Variants in SCD5 observed in about 807,000 individuals in gnomAD.
SCD5 encodes the protein acyl-CoA-desaturase 4.
SCD5 carries 20 observed loss-of-function variants against 30.4 expected under a neutral mutation model. That is an observed-to-expected ratio of 0.66 (90% CI 0.46 to 0.96). SCD5 has a LOEUF of 0.96. Ranked by LOEUF, SCD5 falls within the 40% of genes least tolerant of loss-of-function variation. SCD5 has a pLI of 0.00. For synonymous variants in SCD5, 173 were observed against 176.4 expected (o/e 0.98, Z 0.16); for missense variants, 381 against 443.3 (o/e 0.86, Z 1.26).
rs141608073 is a variant in SCD5, at chr4:82,746,771, T to C, written c.233-41358A>G. 7.2e-5 allele frequency among the ~76,000 whole-genome samples: 11 copies of C among 151,740 alleles called. No individual in the cohort carries two copies. In the East Asian group the frequency reaches 2.1e-3, roughly 30 times the overall value. ...GGGAAAGAGCAAGGGAGGTGCTGAG[T>C]AGAGAAGAGCGGGGTCCCTGGCAAG... On this transcript the variant is annotated intron_variant, in intron 1 of 4. Transcript: ENST00000319540.
intron 1 of SCD5, among the ~76,000 whole-genome samples, chr4:82,723,860 C>A (rs1332031443): frequency 6.6e-6 from 1 of 152,156 alleles, no homozygotes; most frequent in Non-Finnish European, 1.5e-5. Flanking sequence ...CAATCAAATA[C>A]AATGTGAAAG....
chr4:82,640,314 G>C, intron 3 of SCD5, among the ~76,000 whole-genome samples: 1 of 152,204 alleles, frequency 6.6e-6, no homozygotes, highest in East Asian at 1.9e-4. Context: ...CCAGGGGTAA[G>C]GAGGAAAAGG....
intron 1 of SCD5, among the ~76,000 whole-genome samples, chr4:82,716,283 C>T (rs1720224765): frequency 6.6e-6 from 1 of 151,812 alleles, no homozygotes; most frequent in Non-Finnish European, 1.5e-5. Context: ...AGGGAGGGAG[C>T]TCACAGGGAA....
chr4:82,722,523 G>A (rs1302700595), intron 1 of SCD5, among the ~76,000 whole-genome samples: 2 of 152,160 alleles, frequency 1.3e-5, no homozygotes, highest in African/African-American at 4.8e-5. Context: ...CAGCACTTTG[G>A]GAGACCAAGG....
At chr4:82,746,167 G>A (rs1720977533) in intron 1 of SCD5, among the ~76,000 whole-genome samples, 1 of 152,188 alleles carries the variant, frequency 6.6e-6, no homozygotes. Flanking sequence ...CACACATGCT[G>A]AGCAGTACCG....
At position 82,636,652 on chromosome 4, in the gene SCD5, G is replaced by A. The variant is rs1287783609; in HGVS notation, c.741C>T (p.Asn247=). The part of the protein sequence containing the change: ...LVNSAAHMYG[N]RPYDKHISPR... ...GGCTGATGTGCTTGTCATAGGGCCG[G>A]TTTCCATACATGTGGGCGGCGCTGT... is the stretch of plus-strand genomic sequence containing the variant. Residue 247 remains asparagine (N), a synonymous_variant, in exon 4 of 5, where the codon AAC becomes AAT. Transcript: ENST00000319540. 5 of 1,614,224 alleles carry A rather than the reference G, an allele frequency of 3.1e-6. No homozygotes were observed. The highest frequency in any genetic ancestry group is 4.2e-6 in the Non-Finnish European group (5 of 1,180,046).
rs185135726 is a variant in SCD5 at position 82,755,292 on chromosome 4, G to C, written c.232+43014C>G. ...AGGCAGGCAGATCACCTGAGGCCAG[G>C]AGTTTGAGACCAGCCTGGCCAACAT... On this transcript the variant is annotated intron_variant, in intron 1 of 4. Transcript: ENST00000319540. Among the ~76,000 whole-genome samples, 737 of 152,318 alleles carry C rather than the reference G, an allele frequency of 4.8e-3. 5 individuals are homozygous for C. Among genetic ancestry groups the C allele is most frequent in the South Asian group, 8.3e-3 (40 of 4,828 alleles).
intron 3 of SCD5, chr4:82,660,370 T>G (rs1727969414): frequency 1.4e-6 from 1 of 737,910 alleles, no homozygotes; most frequent in Middle Eastern, 6.9e-4. Context: ...TGAATATACT[T>G]ATGTTTTTAT....
At chr4:82,712,257 T>TAC (rs1334596352) in intron 1 of SCD5, among the ~76,000 whole-genome samples, 1,137 of 35,530 alleles carry the variant, frequency 0.032, 91 homozygotes, top group Non-Finnish European at 0.038. Context: ...TATATATATA[T>TAC]ATATATATAT....
At chr4:82,738,759 G>GTTA (rs1720807276) in intron 1 of SCD5, among the ~76,000 whole-genome samples, 1 of 152,210 alleles carries the variant, frequency 6.6e-6, no homozygotes, top group African/African-American at 2.4e-5. Flanking sequence ...GCAGTTCCAA[G>GTTA]TTATAGATGC....
chr4:82,728,627 C>A (rs1467876133), intron 1 of SCD5, among the ~76,000 whole-genome samples: 1 of 152,160 alleles, frequency 6.6e-6, no homozygotes, highest in East Asian at 1.9e-4. Context: ...CACCCAGAGG[C>A]AGACTCAGTG....
At chr4:82,657,759 T>A (rs1727894703) in intron 3 of SCD5, among the ~76,000 whole-genome samples, 1 of 152,218 alleles carries the variant, frequency 6.6e-6, no homozygotes, top group South Asian at 2.1e-4. Context: ...TTTGTTTGTA[T>A]CCTCTCTTAT....
In SCD5 at chr4:82,712,243, CATATATATATATATATATATAT is replaced by C. The variant is rs762732703; in HGVS notation, c.233-6852_233-6831del. ...ATAGGTCTGGGGAGGGACCAACTAA[CATATATATATATATATATATAT>C]ATATATATATATATATATATATATA... is the stretch of plus-strand genomic sequence containing the variant. On this transcript the variant is annotated intron_variant, in intron 1 of 4. Transcript: ENST00000319540. Among the ~76,000 whole-genome samples, 226 of 28,834 alleles carry C rather than the reference CATATATATATATATATATATAT, an allele frequency of 7.8e-3. 21 individuals carry two copies. Among genetic ancestry groups the C allele is most frequent in the Admixed American group, 0.023 (60 of 2,584 alleles). The allele number at this position is 28,834 out of a possible 152,430, so 18.9% of individuals were successfully genotyped here. A position where few individuals can be genotyped will look rare whatever the true frequency, so the allele number is the denominator to read the frequency against.
intron 3 of SCD5, among the ~76,000 whole-genome samples, chr4:82,642,310 A>G (rs192393125): frequency 1.3e-4 from 20 of 152,304 alleles, no homozygotes; most frequent in African/African-American, 4.8e-4. Context: ...CACTCAGCCA[A>G]CCAAGAACAT....
intron 3 of SCD5, among the ~76,000 whole-genome samples, chr4:82,653,007 CT>C (rs1190639999): frequency 4.6e-5 from 7 of 152,024 alleles, no homozygotes; most frequent in African/African-American, 1.7e-4. Context: ...CAAAAATTAG[CT>C]TGGGTATGGT....
chr4:82,789,825 C>A (rs1425420734), intron 1 of SCD5, among the ~76,000 whole-genome samples: 3 of 152,124 alleles, frequency 2.0e-5, no homozygotes, highest in Non-Finnish European at 4.4e-5. Flanking sequence ...GGGAACAACC[C>A]CCTCTCCACA....
intron 2 of SCD5, among the ~76,000 whole-genome samples, chr4:82,686,241 A>T (rs1728701775): frequency 6.6e-6 from 1 of 152,170 alleles, no homozygotes; most frequent in Admixed American, 6.5e-5. Context: ...TCTGGGCTCA[A>T]GGGATCCTCC....
At chr4:82,653,699 T>TAGATAGATAGATAGAC (rs1727805620) in intron 3 of SCD5, among the ~76,000 whole-genome samples, 1 of 143,448 alleles carries the variant, frequency 7.0e-6, no homozygotes, top group Admixed American at 7.0e-5. Context: ...GATAGATAGA[T>TAGATAGATAGATAGAC]AGATAGATAT....
intron 3 of SCD5, among the ~76,000 whole-genome samples, chr4:82,679,321 GCTATAAAACTTGAT>G (rs1411964756): frequency 6.6e-6 from 1 of 151,480 alleles, no homozygotes; most frequent in Non-Finnish European, 1.5e-5. Context: ...GTTATTTTCT[GCTATAAAACTTGAT>G]ACTGGGTATT....
Sources: allele counts gnomAD v4.1 joint callset (sites outside exome capture counted in the v4.1 genomes callset), GRCh38; gene constraint gnomAD v4.1.1; transcripts MANE v1.5; gene names NCBI Gene and HGNC (gene_info 2026-07-23, HGNC 2026-07-21).